The following HDAC9 variants were observed in gnomAD, a reference collection of about 807,000 sequenced individuals.
The protein encoded by HDAC9 is MEF-2 interacting transcription repressor (MITR) protein.
HDAC9 carries 41 observed loss-of-function variants against 139.4 expected under a neutral mutation model. The observed-to-expected ratio is 0.29, with a 90% CI of 0.23 to 0.38. The LOEUF is 0.38. Ranked by LOEUF, HDAC9 falls within the 10% of genes least tolerant of loss-of-function variation. The probability of loss-of-function intolerance (pLI) is 1.00; values close to 1 mark genes in which losing one functional copy is unlikely to be tolerated. For missense variants in HDAC9, 1,147 were observed against 1,297.0 expected (o/e 0.88, Z 1.78); for synonymous variants, 517 against 476.2 (o/e 1.09, Z -1.12).
At chr7:18,897,106 T>G (rs1801270401) in intron 22 of HDAC9, among the ~76,000 whole-genome samples, 1 of 152,006 alleles carries the variant, frequency 6.6e-6, no homozygotes, top group Admixed American at 6.6e-5. Context: ...TTGAATTTCC[T>G]GAATATAATA....
intron 12 of HDAC9, 82 bp downstream of exon 12, chr7:18,666,558 G>A (rs1241212168): frequency 3.9e-6 from 6 of 1,534,282 alleles, no homozygotes; most frequent in Non-Finnish European, 5.3e-6. Context: ...TTGGTAAATG[G>A]ATATGATTTC....
intron 2 of HDAC9, among the ~76,000 whole-genome samples, chr7:18,223,654 A>C (rs1298126539): frequency 2.0e-5 from 3 of 152,082 alleles, no homozygotes; most frequent in Admixed American, 6.6e-5. Flanking sequence ...TTAATTGTTA[A>C]ATATTTAATT....
chr7:18,301,071 C>T (rs537063915), intron 1 of HDAC9, among the ~76,000 whole-genome samples: 79 of 146,476 alleles, frequency 5.4e-4, no homozygotes, highest in Admixed American at 2.9e-3. Context: ...TGGATGAAAA[C>T]ACTGTTTTTT....
chr7:18,244,243 T>A (rs1794372951), intron 2 of HDAC9, among the ~76,000 whole-genome samples: 1 of 151,430 alleles, frequency 6.6e-6, no homozygotes, highest in African/African-American at 2.4e-5. Context: ...AAAACTGGAG[T>A]TCTAGTCATA....
chr7:18,401,015 T>C (rs1182014201), intron 1 of HDAC9, among the ~76,000 whole-genome samples: 2 of 152,224 alleles, frequency 1.3e-5, no homozygotes, highest in Non-Finnish European at 2.9e-5. Flanking sequence ...GAAACTCATC[T>C]AAATTTAATC....
rs183116602 is a variant in HDAC9 at position 18,618,998 on chromosome 7, T to C, written c.665-10352T>C. Among the ~76,000 whole-genome samples the C allele has an allele frequency of 2.5e-4, 38 of 152,144 alleles. No individual in the cohort carries two copies. In the East Asian group the frequency reaches 5.6e-3, roughly 22 times the overall value. On this transcript the variant is annotated intron_variant, in intron 6 of 25. Transcript: ENST00000686413. ...ACTGGATTGAAGACTGAAACATGTT[T>C]ATAATCTAGTTCGATTTATTGAAAT...
At chr7:18,190,073 G>A (rs1284415673) in intron 2 of HDAC9, among the ~76,000 whole-genome samples, 6 of 151,946 alleles carry the variant, frequency 3.9e-5, no homozygotes, top group Non-Finnish European at 8.8e-5. Flanking sequence ...CCAACTAGCT[G>A]GGATTACAGG....
intron 1 of HDAC9, among the ~76,000 whole-genome samples, chr7:18,433,385 C>T (rs1314553854): frequency 1.3e-5 from 2 of 152,128 alleles, no homozygotes; most frequent in East Asian, 3.9e-4. Flanking sequence ...ACTGGAAGTC[C>T]TAGCCAAAGC....
intron 12 of HDAC9, among the ~76,000 whole-genome samples, chr7:18,700,164 T>A (rs1390913127): frequency 1.5e-4 from 23 of 152,162 alleles, no homozygotes; most frequent in Non-Finnish European, 3.2e-4. Flanking sequence ...TTCTAAAGGT[T>A]TTGAGATCTT....
At chr7:18,907,748 A>C (rs567601280) in intron 22 of HDAC9, among the ~76,000 whole-genome samples, 1 of 150,782 alleles carries the variant, frequency 6.6e-6, no homozygotes, top group East Asian at 2.0e-4. Context: ...AGCATGAGCC[A>C]TTCTTACAGT....
At chr7:18,726,728 T>A (rs935259791) in intron 12 of HDAC9, among the ~76,000 whole-genome samples, 1 of 150,588 alleles carries the variant, frequency 6.6e-6, no homozygotes, top group Non-Finnish European at 1.5e-5. Flanking sequence ...ATAAATAAAA[T>A]TTTGAAAGAA....
At chr7:18,472,620 C>T (rs190987011) in intron 1 of HDAC9, among the ~76,000 whole-genome samples, 9 of 152,282 alleles carry the variant, frequency 5.9e-5, no homozygotes, top group South Asian at 4.1e-4. Flanking sequence ...GCCTTCCTTA[C>T]GTATTTACAA....
At chr7:18,220,258 A>C (rs1324936989) in intron 2 of HDAC9, among the ~76,000 whole-genome samples, 1 of 152,190 alleles carries the variant, frequency 6.6e-6, no homozygotes, top group East Asian at 1.9e-4. Flanking sequence ...TATTTTTTGC[A>C]CCAGTGAAGA....
At chr7:18,579,798 T>G (rs1372359195) in intron 2 of HDAC9, among the ~76,000 whole-genome samples, 1 of 152,014 alleles carries the variant, frequency 6.6e-6, no homozygotes, top group Non-Finnish European at 1.5e-5. Context: ...TGCCTGTGTG[T>G]GTGTGTGTGT....
intron 1 of HDAC9, among the ~76,000 whole-genome samples, chr7:18,419,280 G>A (rs1030913250): frequency 6.6e-6 from 1 of 152,084 alleles, no homozygotes; most frequent in Non-Finnish European, 1.5e-5. Flanking sequence ...ATAAATATGT[G>A]TCAATTATTG....
chr7:18,209,840 A>C (rs112315745), intron 2 of HDAC9, among the ~76,000 whole-genome samples: 6,234 of 151,790 alleles, frequency 0.041, 439 homozygotes, highest in African/African-American at 0.14. Flanking sequence ...AGCTGGGACT[A>C]CGGGCGCCCG....
chr7:18,283,114 A>C (rs145517607), intron 2 of HDAC9, among the ~76,000 whole-genome samples: 5 of 152,082 alleles, frequency 3.3e-5, no homozygotes, highest in Non-Finnish European at 7.4e-5. Context: ...AGACTGGGCA[A>C]TTTAGGAAGA....
intron 12 of HDAC9, among the ~76,000 whole-genome samples, chr7:18,716,386 T>G (rs915503983): frequency 6.6e-6 from 1 of 152,236 alleles, no homozygotes; most frequent in Non-Finnish European, 1.5e-5. Context: ...GCAAAAGACA[T>G]TACTTATTGT....
At chr7:18,935,995 A>C in intron 23 of HDAC9, 53 bp downstream of exon 23, 4 of 1,539,364 alleles carry the variant, frequency 2.6e-6, no homozygotes, top group East Asian at 2.3e-5. Flanking sequence ...GGATGTATGC[A>C]TGCATATTTT....
Sources: allele counts gnomAD v4.1 joint callset (sites outside exome capture counted in the v4.1 genomes callset), GRCh38; gene constraint gnomAD v4.1.1; transcripts MANE v1.5; gene names NCBI Gene and HGNC (gene_info 2026-07-23, HGNC 2026-07-21).